GAN: variants seen among roughly 807,000 people sequenced by gnomAD.
GAN encodes the protein gigaxonin.
A neutral mutation model predicts 71.3 loss-of-function variants in GAN; 48 were observed. The ratio of observed to expected loss-of-function variants is 0.67; its 90% confidence interval spans 0.53 to 0.86. The LOEUF is 0.86. GAN is among the 40% of genes least tolerant of loss of function. The pLI, the probability that GAN is intolerant of heterozygous loss-of-function variation, is 0.00. For missense variants in GAN, 928 were observed against 770.1 expected (o/e 1.21, Z -2.43); for synonymous variants, 386 against 276.8 (o/e 1.39, Z -3.92).
chr16:81,377,685 A>G lies in GAN; in HGVS notation c.*89A>G. ...AGAGCAGAGATGGCAGCTGAAACTC[A>G]CTCTGTGCTGGGCTTTGGTATGGTA... On this transcript the variant is annotated 3_prime_UTR_variant, in exon 11 of 11. Transcript: ENST00000648994. 1 of 1,151,844 alleles carries G rather than the reference A, an allele frequency of 8.7e-7. No homozygotes were observed. The highest frequency in any genetic ancestry group is 1.3e-6 in the Non-Finnish European group (1 of 760,200). The allele number at this position is 1,151,844 out of a possible 1,614,324, so 71.4% of individuals were successfully genotyped here.
At chr16:81,341,988 C>T (rs575802610) in intron 1 of GAN, among the ~76,000 whole-genome samples, 2 of 152,164 alleles carry the variant, frequency 1.3e-5, no homozygotes, top group African/African-American at 4.8e-5. Context: ...CAATCCTTGT[C>T]TCTGATAAAA....
intron 1 of GAN, among the ~76,000 whole-genome samples, chr16:81,344,405 T>C (rs1910047956): frequency 6.6e-6 from 1 of 152,192 alleles, no homozygotes; most frequent in South Asian, 2.1e-4. Context: ...AGCATGGTAC[T>C]GGTACCAAAC....
In GAN at chr16:81,375,929, C is replaced by G. The variant is rs1218053074; in HGVS notation, c.1503-1290C>G. Among the ~76,000 whole-genome samples, 3 of 149,920 alleles carry G rather than the reference C, an allele frequency of 2.0e-5. No homozygotes were observed. In the East Asian group the frequency reaches 6.0e-4, roughly 30 times the overall value. ...AGACTGCAGTGAGCTGTGATTGCACCACTGCACTCCAGCCTGGATGAGTGA... is the reference window on the plus strand; with the variant it reads ...AGACTGCAGTGAGCTGTGATTGCACGACTGCACTCCAGCCTGGATGAGTGA... On this transcript the variant is annotated intron_variant, in intron 9 of 10. Transcript: ENST00000648994.
At chr16:81,357,082 T>C in intron 4 of GAN, 80 bp downstream of exon 4, 1 of 907,878 alleles carries the variant, frequency 1.1e-6, no homozygotes, top group African/African-American at 1.6e-5. Context: ...CATAATGCTT[T>C]TCAGTATCTA....
At chr16:81,364,952 C>A (rs776066655) in intron 7 of GAN, 22 bp from the exon 8 acceptor site, 18 of 1,613,108 alleles carry the variant, frequency 1.1e-5, no homozygotes, top group Admixed American at 6.7e-5. Context: ...GCCTCTCCCC[C>A]ACCATTGTTC....
intron 9 of GAN, among the ~76,000 whole-genome samples, chr16:81,367,537 T>C (rs8058442): frequency 0.067 from 10,268 of 152,140 alleles, 601 homozygotes; most frequent in African/African-American, 0.16. Context: ...TCTAAATAAA[T>C]AAGAGCACTT....
Position 81,363,815 on chromosome 16 carries a change from G to A in GAN, c.1108G>A (p.Val370Met). The change falls in exon 7 of 11, where the codon GTG (valine) becomes ATG (methionine). Residue 370 changes from valine to methionine, a missense_variant. Coordinates refer to ENST00000648994, the MANE Select transcript of GAN (RefSeq NM_022041.4). Reference protein sequence around the residue: ...MNEARHNFGIVEIDGMLYILG... With the variant: ...MNEARHNFGIMEIDGMLYILG... Reference sequence around the variant, plus strand: ...TCAGGCAAGACATAACTTCGGAATTGTGGAGATAGATGGGATGCTGTACAT... The same window carrying A: ...TCAGGCAAGACATAACTTCGGAATTATGGAGATAGATGGGATGCTGTACAT... 1 of 1,613,774 alleles carries A rather than the reference G, an allele frequency of 6.2e-7. No homozygotes were observed. The highest frequency in any genetic ancestry group is 8.5e-7 in the Non-Finnish European group (1 of 1,179,646).
At chr16:81,345,803 C>T (rs1232648519) in intron 1 of GAN, among the ~76,000 whole-genome samples, 3 of 152,218 alleles carry the variant, frequency 2.0e-5, no homozygotes, top group Non-Finnish European at 4.4e-5. Flanking sequence ...TTTCCCCCAT[C>T]CTACCACTGT....
In GAN at chr16:81,364,976, C is replaced by T. The variant is rs61740238; in HGVS notation, c.1239C>T (p.Ile413=). The T allele has an allele frequency of 1.0e-3, 1,613 of 1,613,822 alleles. 12 individuals are homozygous for T. In the African/African-American group the frequency reaches 0.019, roughly 19 times the overall value. The part of the protein sequence containing the change: ...KQPDLTMVRK[I]GCYAAMKKKI... Reference sequence around the variant, plus strand: ...CCACCATTGTTCTCTGCTTTCAGATCGGCTGCTATGCAGCTATGAAAAAGA... The same window carrying T: ...CCACCATTGTTCTCTGCTTTCAGATTGGCTGCTATGCAGCTATGAAAAAGA... The change falls in exon 8 of 11, where the codon ATC becomes ATT. Residue 413 remains isoleucine, a splice_region_variant and synonymous_variant. Transcript: ENST00000648994.
intron 1 of GAN, among the ~76,000 whole-genome samples, chr16:81,335,396 C>G (rs976099389): frequency 1.3e-5 from 2 of 152,094 alleles, no homozygotes; most frequent in Admixed American, 1.3e-4. Flanking sequence ...GCGGGCATAT[C>G]ACTTGATGTC....
intron 1 of GAN, among the ~76,000 whole-genome samples, chr16:81,327,053 G>A (rs1909414868): frequency 1.3e-5 from 2 of 152,202 alleles, no homozygotes; most frequent in South Asian, 2.1e-4. Flanking sequence ...TTGCAACAGA[G>A]TTTAGAGTCT....
rs895823765 is a variant in GAN, at chr16:81,389,790, C to T, written c.*12194C>T. On this transcript the variant is annotated 3_prime_UTR_variant, in exon 11 of 11. Coordinates refer to ENST00000648994, the MANE Select transcript of GAN (RefSeq NM_022041.4). ...GGTCCCTGGCCCAGCAGGTGGCCGGCGTGGCTCCTGTTGGCTCATGCCAGT... is the reference window on the plus strand; with the variant it reads ...GGTCCCTGGCCCAGCAGGTGGCCGGTGTGGCTCCTGTTGGCTCATGCCAGT... 5.3e-5 allele frequency: 8 copies of T among 152,216 alleles called. No individual in the cohort carries two copies. Among genetic ancestry groups the T allele is most frequent in the South Asian group, 4.1e-4 (2 of 4,822 alleles). 9.4% of individuals were successfully genotyped at this position (152,216 alleles called of 1,614,324 possible). A position where few individuals can be genotyped will look rare whatever the true frequency, so the allele number is the denominator to read the frequency against.
At chr16:81,346,836 A>G (rs1910134580) in intron 1 of GAN, among the ~76,000 whole-genome samples, 1 of 152,340 alleles carries the variant, frequency 6.6e-6, no homozygotes, top group Non-Finnish European at 1.5e-5. Context: ...TCTCTTCACC[A>G]GAACCAGCAA....
rs1281516735 is a variant in GAN, at chr16:81,384,713, G to C, written c.*7117G>C. On this transcript the variant is annotated 3_prime_UTR_variant, in exon 11 of 11. Coordinates refer to ENST00000648994, the MANE Select transcript of GAN (RefSeq NM_022041.4). ...AGGTTGGCAGAACTATATAGAGTTG[G>C]ATGATACTGAAAATCATGAATGATG... 1 of 152,186 alleles carries C rather than the reference G, an allele frequency of 6.6e-6. No individual in the cohort carries two copies. Among genetic ancestry groups the C allele is most frequent in the Non-Finnish European group, 1.5e-5 (1 of 68,036 alleles). The allele number at this position is 152,186 out of a possible 1,614,324, so 9.4% of individuals were successfully genotyped here. A position where few individuals can be genotyped will look rare whatever the true frequency, so the allele number is the denominator to read the frequency against.
In GAN at chr16:81,362,289, T is replaced by G. The variant is rs570342646; in HGVS notation, c.974-210T>G. On this transcript the variant is annotated intron_variant, in intron 5 of 10. Transcript: ENST00000648994. The stretch of plus-strand genomic sequence containing the variant: ...TCATTGTAGGGTGGTGGAAATCCCC[T>G]CAAAGACAGTAATGAGTAAAGCAAA... 6.4e-4 allele frequency among the ~76,000 whole-genome samples: 97 copies of G among 152,264 alleles called. No individual in the cohort carries two copies. The Middle Eastern group carries it at 0.01, about 16-fold the overall frequency.
chr16:81,343,327 T>G (rs1362924731), intron 1 of GAN, among the ~76,000 whole-genome samples: 1 of 152,146 alleles, frequency 6.6e-6, no homozygotes, highest in Non-Finnish European at 1.5e-5. Flanking sequence ...AAGAGAATTT[T>G]AGGCCAATAT....
chr16:81,369,480 T>C (rs1056655931), intron 9 of GAN, among the ~76,000 whole-genome samples: 9 of 152,202 alleles, frequency 5.9e-5, no homozygotes, highest in African/African-American at 2.2e-4. Flanking sequence ...ATTTCAAACA[T>C]GTTATCAATT....
chr16:81,326,036 C>G (rs567078008), intron 1 of GAN, among the ~76,000 whole-genome samples: 1 of 152,212 alleles, frequency 6.6e-6, no homozygotes, highest in East Asian at 1.9e-4. Context: ...TTTTCCAACT[C>G]TGCCAAATAA....
chr16:81,371,614 CA>C (rs1470559206), intron 9 of GAN, among the ~76,000 whole-genome samples: 1 of 152,096 alleles, frequency 6.6e-6, no homozygotes, highest in Non-Finnish European at 1.5e-5. Context: ...TGGATGCGCA[CA>C]AATTGAGGGG....
Sources: allele counts gnomAD v4.1 joint callset (sites outside exome capture counted in the v4.1 genomes callset), GRCh38; gene constraint gnomAD v4.1.1; transcripts MANE v1.5; gene names NCBI Gene and HGNC (gene_info 2026-07-23, HGNC 2026-07-21).